ATL1: variants seen among roughly 807,000 people sequenced by gnomAD.
ATL1 encodes atlastin-1.
Under a neutral mutation model 75.5 loss-of-function variants are expected in ATL1, and 31 were observed. The observed-to-expected ratio is 0.41, with a 90% CI of 0.31 to 0.55. The LOEUF is 0.55. ATL1 is among the 20% of genes least tolerant of loss of function. ATL1 has a pLI of 0.27. For synonymous variants in ATL1, 226 were observed against 233.3 expected, an observed-to-expected ratio of 0.97 and a Z score of 0.28; for missense variants, 405 against 662.6, an observed-to-expected ratio of 0.61 and a Z score of 4.27.
chr14:50,567,538 A>G (rs933282423), intron 1 of ATL1, among the ~76,000 whole-genome samples: 15 of 152,224 alleles, frequency 9.9e-5, no homozygotes, highest in African/African-American at 3.6e-4. Flanking sequence ...AGGAACTGCT[A>G]TACTGTTTTC....
intron 1 of ATL1, among the ~76,000 whole-genome samples, chr14:50,554,694 T>C (rs2038743924): frequency 6.6e-6 from 1 of 152,202 alleles, no homozygotes; most frequent in South Asian, 2.1e-4. Context: ...GCAAAGAAGT[T>C]ACAGAAAATT....
At chr14:50,560,038 C>T (rs1189968412), upstream of ATL1, 10 of 593,080 alleles carry the variant, frequency 1.7e-5, no homozygotes, top group East Asian at 2.3e-4. Flanking sequence ...GAGGGTGTGA[C>T]GCTGGTATCT....
At chr14:50,604,290 A>G (rs949549882) in intron 6 of ATL1, among the ~76,000 whole-genome samples, 7 of 152,090 alleles carry the variant, frequency 4.6e-5, no homozygotes, top group Admixed American at 2.6e-4. Flanking sequence ...TCTCTTTGCT[A>G]TCTTAATCTG....
chr14:50,575,937 C>T (rs1425973432), intron 1 of ATL1, among the ~76,000 whole-genome samples: 1 of 152,062 alleles, frequency 6.6e-6, no homozygotes, highest in African/African-American at 2.4e-5. Flanking sequence ...GAAAAAGTCC[C>T]CTAAGTCCCT....
intron 8 of ATL1, among the ~76,000 whole-genome samples, chr14:50,619,076 G>A (rs1333063271): frequency 2.7e-5 from 4 of 149,284 alleles, no homozygotes; most frequent in African/African-American, 4.9e-5. Flanking sequence ...ATTTTGAGAC[G>A]GAGTCTCCCT....
chr14:50,624,426 T>G (rs2039497276), intron 11 of ATL1, among the ~76,000 whole-genome samples: 2 of 152,198 alleles, frequency 1.3e-5, no homozygotes, highest in South Asian at 4.1e-4. Context: ...CTATTGTAAT[T>G]GTTTCAGAGT....
intron 8 of ATL1, among the ~76,000 whole-genome samples, chr14:50,618,321 G>A (rs1229917476): frequency 6.6e-6 from 1 of 152,124 alleles, no homozygotes; most frequent in Non-Finnish European, 1.5e-5. Context: ...CAGGAACGTG[G>A]TAACATAAAT....
At chr14:50,623,392 TATTA>T in intron 11 of ATL1, 144 bp downstream of exon 11, 1 of 672,836 alleles carries the variant, frequency 1.5e-6, no homozygotes, top group Non-Finnish European at 2.7e-6. Flanking sequence ...CACGTCTATT[TATTA>T]TATTCCTGAA....
chr14:50,614,428 G>GT lies in ATL1; in HGVS notation c.782dup (p.Thr262HisfsTer22). ...AACGTCAGAAAACACATCCATTCCTGTTTCACCAACATTTCCTGTTTTCTG... is the reference window on the plus strand; with the variant it reads ...AACGTCAGAAAACACATCCATTCCTGTTTTCACCAACATTTCCTGTTTTCTG... On this transcript the variant is annotated frameshift_variant, in exon 8 of 14. Transcript: ENST00000358385. LOFTEE classifies it high-confidence loss of function. 6.2e-7 allele frequency: 1 copy of GT among 1,613,944 alleles called. No homozygotes were observed. The highest frequency in any genetic ancestry group is 8.5e-7 in the Non-Finnish European group (1 of 1,179,918).
chr14:50,537,242 C>T (rs1391225135), intron 1 of ATL1, among the ~76,000 whole-genome samples: 1 of 152,218 alleles, frequency 6.6e-6, no homozygotes, highest in Non-Finnish European at 1.5e-5. Flanking sequence ...AGGGTGCAAG[C>T]CTCCAGCCTT....
chr14:50,552,179 A>G lies in ATL1; in HGVS notation c.-139-7948A>G, dbSNP rs376002521. Among the ~76,000 whole-genome samples, 172 of 152,346 alleles carry G rather than the reference A, an allele frequency of 1.1e-3. 2 individuals carry two copies. The South Asian group carries it at 0.033, about 29-fold the overall frequency. On this transcript the variant is annotated intron_variant, in intron 1 of 13. Coordinates refer to the ATL1 transcript ENST00000441560. The stretch of plus-strand genomic sequence containing the variant: ...AGTAAAGTTTCGGGATACAAAATCA[A>G]TGTACACAAATCAGTAGCACTGCTA...
chr14:50,618,993 C>T (rs919603047), intron 8 of ATL1, among the ~76,000 whole-genome samples: 15 of 151,992 alleles, frequency 9.9e-5, no homozygotes, highest in African/African-American at 3.4e-4. Context: ...TAGGTTCAAG[C>T]GATTCTCCTG....
At chr14:50,580,538 T>A (rs1366533329) in intron 1 of ATL1, among the ~76,000 whole-genome samples, 1 of 152,200 alleles carries the variant, frequency 6.6e-6, no homozygotes, top group Non-Finnish European at 1.5e-5. Context: ...AATGTTAAAT[T>A]AACCTTGAAT....
At chr14:50,587,741 T>C in intron 1 of ATL1, 90 bp from the exon 2 acceptor site, 2 of 1,541,008 alleles carry the variant, frequency 1.3e-6, no homozygotes, top group Non-Finnish European at 1.8e-6. Context: ...AGTATGCTCC[T>C]GTGTCGGATG....
chr14:50,582,982 G>T (rs1190149716), intron 1 of ATL1, among the ~76,000 whole-genome samples: 3 of 152,128 alleles, frequency 2.0e-5, no homozygotes, highest in Non-Finnish European at 4.4e-5. Context: ...ATGCAGAAGA[G>T]ATTATTTGAT....
intron 6 of ATL1, among the ~76,000 whole-genome samples, chr14:50,602,595 G>C (rs973769096): frequency 6.6e-6 from 1 of 151,794 alleles, no homozygotes. Flanking sequence ...CGACATGGTG[G>C]GTCTGTTTCT....
At chr14:50,623,132 C>A in intron 10 of ATL1, 45 bp from the exon 11 acceptor site, 1 of 1,532,154 alleles carries the variant, frequency 6.5e-7, no homozygotes. Context: ...GAAGTTTAAT[C>A]AATATGAACT....
At chr14:50,600,136 T>C (rs1480140039) in intron 6 of ATL1, among the ~76,000 whole-genome samples, 1 of 151,906 alleles carries the variant, frequency 6.6e-6, no homozygotes, top group Non-Finnish European at 1.5e-5. Flanking sequence ...GGACTTTAGG[T>C]CTTACCAGCA....
chr14:50,587,710 A>G (rs1291189159), intron 1 of ATL1, 121 bp from the exon 2 acceptor site: 26 of 1,383,920 alleles, frequency 1.9e-5, no homozygotes, highest in Non-Finnish European at 2.5e-5. Context: ...CACCCAGCAT[A>G]AAATGAGCAT....
Sources: allele counts gnomAD v4.1 joint callset (sites outside exome capture counted in the v4.1 genomes callset), GRCh38; gene constraint gnomAD v4.1.1; transcripts MANE v1.5; gene names NCBI Gene and HGNC (gene_info 2026-07-23, HGNC 2026-07-21).